HGF: variants seen among roughly 807,000 people sequenced by gnomAD.
The protein encoded by HGF is hepatocyte growth factor.
HGF carries 39 observed loss-of-function variants against 111.6 expected under a neutral mutation model. That is an observed-to-expected ratio of 0.35 (90% confidence interval 0.27 to 0.46). HGF has a LOEUF of 0.46. HGF is among the 20% of genes least tolerant of loss of function. The pLI, the probability that HGF is intolerant of heterozygous loss-of-function variation, is 1.00. For synonymous variants in HGF, 285 were observed against 294.8 expected (o/e 0.97, Z 0.34); for missense variants, 735 against 910.5 (o/e 0.81, Z 2.48).
At chr7:81,750,996 A>G (rs1472616854) in intron 5 of HGF, 1 of 977,272 alleles carries the variant, frequency 1.0e-6, no homozygotes, top group Non-Finnish European at 1.2e-6. Context: ...AAGAATTTAC[A>G]AACAGAGATG....
At chr7:81,766,860 C>T (rs1401280338) in intron 1 of HGF, among the ~76,000 whole-genome samples, 4 of 152,178 alleles carry the variant, frequency 2.6e-5, no homozygotes, top group African/African-American at 9.6e-5. Context: ...TTCAGCTGCT[C>T]GCATGACATT....
At chr7:81,716,912 G>T (rs1399602006) in intron 11 of HGF, among the ~76,000 whole-genome samples, 2 of 152,122 alleles carry the variant, frequency 1.3e-5, no homozygotes, top group Non-Finnish European at 2.9e-5. Context: ...GTATTGGGGG[G>T]TGGGGAGATC....
At chr7:81,714,255 C>T (rs1018343271) in intron 11 of HGF, among the ~76,000 whole-genome samples, 2 of 151,844 alleles carry the variant, frequency 1.3e-5, no homozygotes, top group African/African-American at 4.8e-5. Context: ...ATACTATGAA[C>T]TATTTAAAAT....
In HGF at chr7:81,754,554, T is replaced by C. The variant is rs143250172; in HGVS notation, c.483-2292A>G. Reference sequence around the variant, plus strand: ...AGATATGGCCAAAACACGAATAAAATTCCCCCATTGGAGTTAATAAAATCA... The same window carrying C: ...AGATATGGCCAAAACACGAATAAAACTCCCCCATTGGAGTTAATAAAATCA... On this transcript the variant is annotated intron_variant, in intron 4 of 17. Coordinates refer to ENST00000222390, the MANE Select transcript of HGF (RefSeq NM_000601.6). Among the ~76,000 whole-genome samples, 1,081 of 152,044 alleles carry C rather than the reference T, an allele frequency of 7.1e-3. 10 individuals carry two copies. Among genetic ancestry groups the C allele is most frequent in the South Asian group, 0.045 (216 of 4,828 alleles).
chr7:81,764,892 C>T (rs576117788), intron 1 of HGF, among the ~76,000 whole-genome samples: 7 of 151,982 alleles, frequency 4.6e-5, no homozygotes, highest in African/African-American at 1.7e-4. Context: ...CTTTGAAATG[C>T]TTCATAGCAT....
In HGF at chr7:81,762,851, T is replaced by A. The variant is rs1562911487; in HGVS notation, c.110A>T (p.Asn37Ile). 2 of 1,563,238 alleles carry A rather than the reference T, an allele frequency of 1.3e-6. No individual in the cohort carries two copies. Among genetic ancestry groups the A allele is most frequent in the Admixed American group, 3.3e-5 (2 of 59,834 alleles). The change falls in exon 2 of 18, where the codon AAT becomes ATT. Residue 37 changes from asparagine to isoleucine, a missense_variant. This residue lies in a region of HGF where 553 missense variants were observed against 685.6 expected (regional missense o/e 0.81). Coordinates refer to ENST00000222390, the MANE Select transcript of HGF (RefSeq NM_000601.6). ...PYAEGQRKRRNTIHEFKKSAK... is the reference protein window; with the variant it reads ...PYAEGQRKRRITIHEFKKSAK... ...TGATTTTTTGAATTCATGAATTGTA[T>A]TTCTTCTTTTCCTTTGTCCCTCTAT...
chr7:81,742,496 T>G (rs1339192604), intron 7 of HGF, among the ~76,000 whole-genome samples: 1 of 152,204 alleles, frequency 6.6e-6, no homozygotes, highest in Non-Finnish European at 1.5e-5. Context: ...GGCCAATTTA[T>G]AACATTATTA....
intron 5 of HGF, among the ~76,000 whole-genome samples, chr7:81,746,971 C>T (rs1788282668): frequency 6.6e-6 from 1 of 152,138 alleles, no homozygotes; most frequent in Non-Finnish European, 1.5e-5. Context: ...TAATAACAAG[C>T]TCCCAGGCAT....
intron 3 of HGF, among the ~76,000 whole-genome samples, chr7:81,758,325 T>C (rs552052053): frequency 6.6e-6 from 1 of 152,204 alleles, no homozygotes; most frequent in South Asian, 2.1e-4. Flanking sequence ...CAAAATACTA[T>C]AGCAAACTCA....
At position 81,765,925 on chromosome 7, in the gene HGF, T is replaced by C. The variant is rs181780102; in HGVS notation, c.89-3053A>G. 2.0e-5 allele frequency among the ~76,000 whole-genome samples: 3 copies of C among 152,270 alleles called. No homozygotes were observed. The East Asian group carries it at 5.8e-4, about 29-fold the overall frequency. On this transcript the variant is annotated intron_variant, in intron 1 of 17. Coordinates refer to ENST00000222390, the MANE Select transcript of HGF (RefSeq NM_000601.6). ...TGTTAGCTGAAGTTTATAAACAAAATATTGAAATGAAATCAAAGGGTGAGA... is the reference window on the plus strand; with the variant it reads ...TGTTAGCTGAAGTTTATAAACAAAACATTGAAATGAAATCAAAGGGTGAGA...
chr7:81,770,042 G>A lies in HGF; in HGVS notation c.-71C>T. On this transcript the variant is annotated 5_prime_UTR_variant, in exon 1 of 18. Transcript: ENST00000222390. ...GGTGAAAGAATCCTGTTCGGAGTCA[G>A]TGCCTAAAAGAGCCAGTCGGCTCTG... is the stretch of plus-strand genomic sequence containing the variant. The A allele has an allele frequency of 8.8e-7, 1 of 1,137,910 alleles. No homozygotes were observed. Among genetic ancestry groups the A allele is most frequent in the South Asian group, 1.3e-5 (1 of 75,790 alleles). 70.5% of individuals were successfully genotyped at this position (1,137,910 alleles called of 1,614,324 possible).
At chr7:81,718,584 A>T (rs759265912) in intron 10 of HGF, among the ~76,000 whole-genome samples, 2 of 152,130 alleles carry the variant, frequency 1.3e-5, no homozygotes, top group African/African-American at 4.8e-5. Context: ...CAAAAGTCAA[A>T]CCTAAACTTG....
At chr7:81,735,963 A>T (rs939044553) in intron 7 of HGF, among the ~76,000 whole-genome samples, 3 of 152,058 alleles carry the variant, frequency 2.0e-5, no homozygotes, top group African/African-American at 7.2e-5. Context: ...GACCTCATTT[A>T]ACATTAATTA....
At chr7:81,757,671 A>G (rs1402969239) in intron 3 of HGF, among the ~76,000 whole-genome samples, 1 of 152,178 alleles carries the variant, frequency 6.6e-6, no homozygotes, top group Non-Finnish European at 1.5e-5. Flanking sequence ...CCTATATTGA[A>G]TTCAAAAAGT....
chr7:81,760,134 G>C (rs1467852570), intron 2 of HGF, among the ~76,000 whole-genome samples: 6 of 152,082 alleles, frequency 3.9e-5, no homozygotes, highest in Admixed American at 6.6e-5. Context: ...TCCGTAAGTT[G>C]CATCTTCTTT....
intron 14 of HGF, among the ~76,000 whole-genome samples, chr7:81,706,831 A>G (rs1271076876): frequency 6.6e-6 from 1 of 152,076 alleles, no homozygotes; most frequent in African/African-American, 2.4e-5. Flanking sequence ...CTTGCTGAGA[A>G]GCAGGAAGGA....
At chr7:81,769,505 G>T (rs914322213) in intron 1 of HGF, among the ~76,000 whole-genome samples, 1 of 152,016 alleles carries the variant, frequency 6.6e-6, no homozygotes, top group Admixed American at 6.6e-5. Flanking sequence ...ACTTCCTGCC[G>T]GACTGACCAT....
In HGF at chr7:81,748,754, G is replaced by A. The variant is rs542369715; in HGVS notation, c.625+3366C>T. On this transcript the variant is annotated intron_variant, in intron 5 of 17. Coordinates refer to ENST00000222390, the MANE Select transcript of HGF (RefSeq NM_000601.6). The stretch of plus-strand genomic sequence containing the variant: ...CACAGAGTAATGGTTTCTGTTCATC[G>A]GTTCAATATTTGTTCTAAGTACAGT... 8.5e-5 allele frequency among the ~76,000 whole-genome samples: 13 copies of A among 152,192 alleles called. No individual in the cohort carries two copies. The South Asian group carries it at 1.5e-3, about 17-fold the overall frequency.
In HGF at chr7:81,700,535, A is replaced by T. The variant is rs991668271; in HGVS notation, c.*2046T>A. 1 of 151,678 alleles carries T rather than the reference A, an allele frequency of 6.6e-6. No individual in the cohort carries two copies. Among genetic ancestry groups the T allele is most frequent in the Non-Finnish European group, 1.5e-5 (1 of 67,714 alleles). 9.4% of individuals were successfully genotyped at this position (151,678 alleles called of 1,614,324 possible). On this transcript the variant is annotated 3_prime_UTR_variant, in exon 18 of 18. Transcript: ENST00000222390. ...AAAGAAGTATTTTTAAAATGTGAGTATTTAAAATTATGACAATTTTTATAA... is the reference window on the plus strand; with the variant it reads ...AAAGAAGTATTTTTAAAATGTGAGTTTTTAAAATTATGACAATTTTTATAA...
Sources: gnomAD v4.1 joint callset for allele counts (sites outside exome capture counted in the v4.1 genomes callset) on GRCh38, gnomAD v4.1.1 for gene constraint, gnomAD v4.1.1 regional missense constraint, MANE v1.5 for transcripts, NCBI Gene and HGNC (gene_info 2026-07-23, HGNC 2026-07-21) for gene names.